The following DGCR2 variants were observed in gnomAD, a reference collection of about 807,000 sequenced individuals.
DGCR2 encodes the protein integral membrane protein DGCR2/IDD.
DGCR2 carries 24 observed loss-of-function variants against 51.6 expected under a neutral mutation model. That is an observed-to-expected ratio of 0.47 (90% CI 0.34 to 0.65). The LOEUF (loss-of-function observed/expected upper bound fraction) is 0.65. Among genes scored for constraint, DGCR2 ranks in the 30% least tolerant of loss-of-function variants. DGCR2 has a pLI of 0.01. For synonymous variants in DGCR2, 340 were observed against 315.4 expected, an observed-to-expected ratio of 1.08 and a Z score of -0.82; for missense variants, 765 against 772.1, an observed-to-expected ratio of 0.99 and a Z score of 0.11.
intron 2 of DGCR2, among the ~76,000 whole-genome samples, chr22:19,070,373 T>C (rs2238753): frequency 0.16 from 24,283 of 152,122 alleles, 2,166 homozygotes; most frequent in South Asian, 0.28. Flanking sequence ...CAGGCCTGAG[T>C]GTGGCTGGAG....
At chr22:19,072,415 T>G (rs1433763378) in intron 2 of DGCR2, among the ~76,000 whole-genome samples, 2 of 151,966 alleles carry the variant, frequency 1.3e-5, no homozygotes, top group African/African-American at 4.8e-5. Context: ...ATACAGCAGA[T>G]AGGGAAGGAC....
intron 1 of DGCR2, among the ~76,000 whole-genome samples, chr22:19,103,739 TAAAAAAAAAAAAA>T (rs34046451): frequency 5.1e-5 from 4 of 78,714 alleles, no homozygotes; most frequent in Non-Finnish European, 7.1e-5. Context: ...AAAAAATTCT[TAAAAAAAAAAAAA>T]AAAAAAAAAA....
At position 19,122,386 on chromosome 22, in the gene DGCR2, G is replaced by C. The variant is rs532708580; in HGVS notation, c.-180C>G. On this transcript the variant is annotated 5_prime_UTR_variant, in exon 1 of 10. Coordinates refer to ENST00000263196, the MANE Select transcript of DGCR2 (RefSeq NM_005137.3). ...GCGCACACTCTCGGCTGCAACCTCA[G>C]GCACCGACTCCAGCTGCGCGCAAGA... The C allele has an allele frequency of 1.5e-4, 67 of 457,854 alleles. 2 individuals are homozygous for C. The South Asian group carries it at 2.0e-3, about 14-fold the overall frequency. 28.4% of individuals were successfully genotyped at this position (457,854 alleles called of 1,614,324 possible). A position where few individuals can be genotyped will look rare whatever the true frequency, so the allele number is the denominator to read the frequency against.
chr22:19,042,557 TG>T (rs1352550956), intron 7 of DGCR2, among the ~76,000 whole-genome samples: 1 of 151,636 alleles, frequency 6.6e-6, no homozygotes, highest in Non-Finnish European at 1.5e-5. Flanking sequence ...CAGTTTGGAG[TG>T]GGGGTGACGC....
chr22:19,062,887 C>A (rs1220554060), intron 5 of DGCR2, among the ~76,000 whole-genome samples: 1 of 151,716 alleles, frequency 6.6e-6, no homozygotes, highest in Non-Finnish European at 1.5e-5. Context: ...CTCCAGCCTG[C>A]CAGGGGCACA....
chr22:19,111,708 C>T (rs548083324), intron 1 of DGCR2, among the ~76,000 whole-genome samples: 2 of 152,240 alleles, frequency 1.3e-5, no homozygotes, highest in East Asian at 3.9e-4. Context: ...TATCAGAGCA[C>T]GAACCCAAGC....
intron 2 of DGCR2, among the ~76,000 whole-genome samples, chr22:19,086,465 C>T (rs901664548): frequency 4.6e-5 from 7 of 151,938 alleles, no homozygotes; most frequent in African/African-American, 9.7e-5. Flanking sequence ...GGCAACAAAG[C>T]GAGACTCCAT....
chr22:19,091,375 G>A (rs1182969218), intron 1 of DGCR2, among the ~76,000 whole-genome samples: 1 of 151,988 alleles, frequency 6.6e-6, no homozygotes, highest in Non-Finnish European at 1.5e-5. Context: ...AAGGCTAGCT[G>A]GAGTGTATTA....
intron 1 of DGCR2, among the ~76,000 whole-genome samples, chr22:19,100,187 T>C (rs2083185836): frequency 1.3e-5 from 2 of 151,714 alleles, no homozygotes; most frequent in African/African-American, 4.8e-5. Flanking sequence ...CAAGAATCGC[T>C]TGAACCGGGG....
chr22:19,070,829 C>T (rs1314723327), intron 2 of DGCR2, among the ~76,000 whole-genome samples: 2 of 152,252 alleles, frequency 1.3e-5, no homozygotes, highest in Admixed American at 1.3e-4. Flanking sequence ...AATGCCCATT[C>T]TGGGCCCACC....
chr22:19,046,956 T>C (rs1277995973), intron 7 of DGCR2: 1 of 158,102 alleles, frequency 6.3e-6, no homozygotes, highest in Non-Finnish European at 1.4e-5. Flanking sequence ...TCCTGAGAAA[T>C]GGAACCAGGA....
rs897486439 is a variant in DGCR2 at position 19,098,435 on chromosome 22, G to A, written c.80-8945C>T. ...ACAGCTGCTCAACCCTGCTGCCGTGGAGCTAAAGCAGCTGCAGATAATATG... is the reference window on the plus strand; with the variant it reads ...ACAGCTGCTCAACCCTGCTGCCGTGAAGCTAAAGCAGCTGCAGATAATATG... On this transcript the variant is annotated intron_variant, in intron 1 of 9. Coordinates refer to ENST00000263196, the MANE Select transcript of DGCR2 (RefSeq NM_005137.3). Among the ~76,000 whole-genome samples, 3 of 152,134 alleles carry A rather than the reference G, an allele frequency of 2.0e-5. No homozygotes were observed. The South Asian group carries it at 6.2e-4, about 32-fold the overall frequency.
rs146231698 is a variant in DGCR2 at position 19,113,238 on chromosome 22, C to T, written c.79+8890G>A. On this transcript the variant is annotated intron_variant, in intron 1 of 9. Transcript: ENST00000263196. ...TACAAAAATTAGCCAGGTGTGGTGG[C>T]GCATGCCTGTAGTTCCAGCTACTTG... Among the ~76,000 whole-genome samples the T allele has an allele frequency of 7.7e-3, 1,170 of 152,074 alleles. 20 individuals carry two copies. Among genetic ancestry groups the T allele is most frequent in the African/African-American group, 0.026 (1,090 of 41,480 alleles).
intron 1 of DGCR2, among the ~76,000 whole-genome samples, chr22:19,113,253 C>T (rs980564710): frequency 1.3e-5 from 2 of 152,106 alleles, no homozygotes; most frequent in African/African-American, 2.4e-5. Flanking sequence ...GCCTGTAGTT[C>T]CAGCTACTTG....
intron 1 of DGCR2, among the ~76,000 whole-genome samples, chr22:19,093,680 A>C (rs996510920): frequency 3.9e-5 from 6 of 152,210 alleles, no homozygotes; most frequent in Non-Finnish European, 7.3e-5. Context: ...CTCAAATTTC[A>C]ATAAGAAAAC....
intron 1 of DGCR2, among the ~76,000 whole-genome samples, chr22:19,117,413 C>T (rs807747): frequency 6.6e-6 from 1 of 152,182 alleles, no homozygotes. Flanking sequence ...GCTTTAACTA[C>T]AGGGCTTCCT....
At position 19,068,030 on chromosome 22, in the gene DGCR2, G is replaced by C. The variant is rs2082769005; in HGVS notation, c.328+70C>G. 6.1e-6 allele frequency: 9 copies of C among 1,477,552 alleles called. No individual in the cohort carries two copies. The South Asian group carries it at 9.7e-5, about 16-fold the overall frequency. 91.5% of individuals were successfully genotyped at this position (1,477,552 alleles called of 1,614,324 possible). A position where few individuals can be genotyped will look rare whatever the true frequency, so the allele number is the denominator to read the frequency against. On this transcript the variant is annotated intron_variant, in intron 3 of 9. Coordinates refer to ENST00000263196, the MANE Select transcript of DGCR2 (RefSeq NM_005137.3). The stretch of plus-strand genomic sequence containing the variant: ...GAAACCCCTCACGCAGCACAGTAGT[G>C]CTGGAAAGGCAGGGGTCATGTCAGG...
At chr22:19,073,529 G>A (rs2082839896) in intron 2 of DGCR2, among the ~76,000 whole-genome samples, 1 of 152,148 alleles carries the variant, frequency 6.6e-6, no homozygotes, top group Non-Finnish European at 1.5e-5. Context: ...AAGATGAAAA[G>A]ACCCACTGAG....
intron 2 of DGCR2, among the ~76,000 whole-genome samples, chr22:19,085,845 G>A (rs1038356789): frequency 6.6e-6 from 1 of 152,118 alleles, no homozygotes; most frequent in African/African-American, 2.4e-5. Flanking sequence ...GACTGAGAAT[G>A]GCCCAGGGCT....
Sources: gnomAD v4.1 joint callset for allele counts (sites outside exome capture counted in the v4.1 genomes callset) on GRCh38, gnomAD v4.1.1 for gene constraint, MANE v1.5 for transcripts, NCBI Gene and HGNC (gene_info 2026-07-23, HGNC 2026-07-21) for gene names.